Variants in SBF2 observed in about 807,000 individuals in gnomAD.
The protein encoded by SBF2 is SET binding factor 2, also known as myotubularin-related protein 13.
A neutral mutation model predicts 225.2 loss-of-function variants in SBF2; 112 were observed. The observed-to-expected ratio is 0.50, with a 90% CI of 0.43 to 0.58. The LOEUF is 0.58. Among genes scored for constraint, SBF2 ranks in the 20% least tolerant of loss-of-function variants. The probability of loss-of-function intolerance (pLI) is 0.00; values close to 1 mark genes in which losing one functional copy is unlikely to be tolerated. For missense variants in SBF2, 1,996 were observed against 2,206.2 expected, an observed-to-expected ratio of 0.90 and a Z score of 1.91; for synonymous variants, 763 against 773.3, an observed-to-expected ratio of 0.99 and a Z score of 0.22.
intron 2 of SBF2, among the ~76,000 whole-genome samples, chr11:10,082,427 C>T (rs578169634): frequency 3.9e-5 from 6 of 152,038 alleles, no homozygotes; most frequent in East Asian, 1.9e-4. Flanking sequence ...ACAACAATGA[C>T]GACAAAAAAG....
chr11:9,850,103 G>C lies in SBF2; in HGVS notation c.2726C>G (p.Pro909Arg). The C allele has an allele frequency of 6.2e-7, 1 of 1,614,122 alleles. No homozygotes were observed. The highest frequency in any genetic ancestry group is 1.1e-5 in the South Asian group (1 of 91,072). The change falls in exon 22 of 40, where the codon CCT becomes CGT. Residue 909 changes from proline to arginine, a missense_variant. Coordinates refer to ENST00000256190, the MANE Select transcript of SBF2 (RefSeq NM_030962.4). ...GGCTCCTTCTGCTGGCAGGAGCTGA[G>C]GGCCTCCAAGAAGACCTCCAGTAGC... ...EEATGGLLGGPQLLPAEGALF... is the reference protein window; with the variant it reads ...EEATGGLLGGRQLLPAEGALF...
chr11:10,270,055 T>A (rs1338875176), intron 1 of SBF2, among the ~76,000 whole-genome samples: 2 of 152,128 alleles, frequency 1.3e-5, no homozygotes, highest in Non-Finnish European at 2.9e-5. Context: ...CAGCAAAAAT[T>A]TGGAAATAAC....
intron 21 of SBF2, 111 bp downstream of exon 21, chr11:9,852,565 G>A: frequency 2.5e-6 from 2 of 796,366 alleles, no homozygotes. Flanking sequence ...ATTAAAACTG[G>A]AGTTAGTGTC....
intron 24 of SBF2, 29 bp downstream of exon 24, chr11:9,845,536 G>A: frequency 6.2e-7 from 1 of 1,603,658 alleles, no homozygotes; most frequent in Non-Finnish European, 8.5e-7. Flanking sequence ...CGGGAGGGCT[G>A]AAATTAACAG....
intron 13 of SBF2, among the ~76,000 whole-genome samples, chr11:9,972,224 GA>G (rs1946493990): frequency 6.6e-6 from 1 of 151,958 alleles, no homozygotes; most frequent in Non-Finnish European, 1.5e-5. Flanking sequence ...TATGAGTATT[GA>G]ACGAGCTGTT....
rs183935112 is a variant in SBF2, at chr11:10,038,107, A to G, written c.279+4737T>C. 2.6e-5 allele frequency among the ~76,000 whole-genome samples: 4 copies of G among 152,048 alleles called. No individual in the cohort carries two copies. The East Asian group carries it at 7.7e-4, about 29-fold the overall frequency. On this transcript the variant is annotated intron_variant, in intron 3 of 39. Coordinates refer to ENST00000256190, the MANE Select transcript of SBF2 (RefSeq NM_030962.4). Reference sequence around the variant, plus strand: ...TCTGGAGTATTGGTTTTGTTCCCATAATTGTTTTTACCCTTGACACTTAAT... The same window carrying G: ...TCTGGAGTATTGGTTTTGTTCCCATGATTGTTTTTACCCTTGACACTTAAT...
At chr11:10,046,879 C>CAAAA (rs34571490) in intron 2 of SBF2, among the ~76,000 whole-genome samples, 7 of 99,614 alleles carry the variant, frequency 7.0e-5, no homozygotes, top group Non-Finnish European at 1.2e-4. Flanking sequence ...TCTGAAAGGA[C>CAAAA]AAAAAAAAAA....
chr11:10,142,911 G>C (rs947611579), intron 2 of SBF2, among the ~76,000 whole-genome samples: 1 of 152,158 alleles, frequency 6.6e-6, no homozygotes, highest in African/African-American at 2.4e-5. Flanking sequence ...ATGGTCTAAA[G>C]AAAGGTACCA....
chr11:10,096,461 A>G (rs1281567621), intron 2 of SBF2, among the ~76,000 whole-genome samples: 1 of 150,380 alleles, frequency 6.6e-6, no homozygotes, highest in Non-Finnish European at 1.5e-5. Context: ...ATGAGCCAAA[A>G]GGTCTTACTT....
intron 16 of SBF2, chr11:9,929,280 A>AG (rs150751692): frequency 0.12 from 20,546 of 174,758 alleles, 1,348 homozygotes; most frequent in Non-Finnish European, 0.13. Context: ...AAAAACAAAA[A>AG]AAAAAAAACC....
chr11:9,903,422 A>G (rs1405030693), intron 16 of SBF2, among the ~76,000 whole-genome samples: 1 of 152,210 alleles, frequency 6.6e-6, no homozygotes, highest in East Asian at 1.9e-4. Flanking sequence ...GTCTCACAGC[A>G]CCAAATATGT....
At chr11:10,005,649 T>C (rs1159289474) in intron 6 of SBF2, among the ~76,000 whole-genome samples, 2 of 152,160 alleles carry the variant, frequency 1.3e-5, no homozygotes, top group African/African-American at 4.8e-5. Flanking sequence ...CAGACCTCTA[T>C]GGATTTGCTG....
intron 12 of SBF2, 140 bp downstream of exon 12, chr11:9,992,275 T>G (rs1341300773): frequency 4.8e-6 from 3 of 621,410 alleles, no homozygotes; most frequent in African/African-American, 3.8e-5. Context: ...CGAGATTTGA[T>G]AAGCATAATA....
At chr11:9,789,418 C>T in intron 34 of SBF2, 76 bp from the exon 35 acceptor site, 1 of 1,011,664 alleles carries the variant, frequency 9.9e-7, no homozygotes, top group Non-Finnish European at 1.6e-6. Flanking sequence ...AAACCCCTAA[C>T]ATTTATAGAG....
At chr11:10,064,729 T>A (rs1950571673) in intron 2 of SBF2, among the ~76,000 whole-genome samples, 1 of 152,092 alleles carries the variant, frequency 6.6e-6, no homozygotes, top group African/African-American at 2.4e-5. Flanking sequence ...CAAGAGAACA[T>A]AAAATCCTAA....
chr11:9,928,089 C>A (rs1353698886), intron 16 of SBF2, among the ~76,000 whole-genome samples: 1 of 151,996 alleles, frequency 6.6e-6, no homozygotes, highest in Non-Finnish European at 1.5e-5. Context: ...CATATCTATT[C>A]ATGAATAAAA....
intron 1 of SBF2, among the ~76,000 whole-genome samples, chr11:10,233,172 C>G (rs1958925678): frequency 6.6e-6 from 1 of 152,120 alleles, no homozygotes; most frequent in Admixed American, 6.5e-5. Context: ...ATCATGTCTT[C>G]CCTTTGAAAG....
intron 14 of SBF2, among the ~76,000 whole-genome samples, chr11:9,967,965 CTCTCTCTATATA>C (rs1373111879): frequency 0.014 from 1,335 of 94,930 alleles, 24 homozygotes; most frequent in African/African-American, 0.039. Context: ...CTCTCTCTCT[CTCTCTCTATATA>C]TATATATATA....
At chr11:10,196,842 A>G (rs1957374439) in intron 1 of SBF2, among the ~76,000 whole-genome samples, 1 of 11,790 alleles carries the variant, frequency 8.5e-5, no homozygotes, top group Non-Finnish European at 5.5e-4. Context: ...GCATAAATAT[A>G]TATATATATA....
Sources: allele counts gnomAD v4.1 joint callset (sites outside exome capture counted in the v4.1 genomes callset), GRCh38; gene constraint gnomAD v4.1.1; transcripts MANE v1.5; gene names NCBI Gene and HGNC (gene_info 2026-07-23, HGNC 2026-07-21).